GRID2: variants seen among roughly 807,000 people sequenced by gnomAD.
GRID2 encodes the protein glutamate receptor ionotropic, delta-2.
A neutral mutation model predicts 114.8 loss-of-function variants in GRID2; 33 were observed. The ratio of observed to expected loss-of-function variants is 0.29; its 90% CI spans 0.22 to 0.38. GRID2 has a LOEUF of 0.38. Among genes scored for constraint, GRID2 ranks in the 10% least tolerant of loss-of-function variants. The pLI is 1.00. For synonymous variants in GRID2, 505 were observed against 449.9 expected (o/e 1.12, Z -1.55); for missense variants, 1,184 against 1,257.7 (o/e 0.94, Z 0.89).
At chr4:93,437,118 A>C (rs2149387001) in intron 10 of GRID2, among the ~76,000 whole-genome samples, 1 of 152,310 alleles carries the variant, frequency 6.6e-6, no homozygotes, top group African/African-American at 2.4e-5. Flanking sequence ...TTAAAAGCAT[A>C]GCTTGAAACT....
chr4:93,607,369 G>T (rs1740360982), intron 13 of GRID2, among the ~76,000 whole-genome samples: 1 of 151,992 alleles, frequency 6.6e-6, no homozygotes, highest in South Asian at 2.1e-4. Flanking sequence ...TCCTTCCATA[G>T]CACCTTGTAT....
intron 8 of GRID2, among the ~76,000 whole-genome samples, chr4:93,307,919 A>G (rs905935107): frequency 3.3e-5 from 5 of 150,308 alleles, no homozygotes; most frequent in African/African-American, 1.0e-4. Flanking sequence ...ATACATACCT[A>G]TTGTATTAAT....
At chr4:93,062,762 G>A (rs1431466747) in intron 2 of GRID2, among the ~76,000 whole-genome samples, 1 of 151,954 alleles carries the variant, frequency 6.6e-6, no homozygotes, top group Non-Finnish European at 1.5e-5. Context: ...AGGGAACGAA[G>A]TTGACCTTGA....
At chr4:93,475,078 T>G (rs1436311367) in intron 11 of GRID2, among the ~76,000 whole-genome samples, 1 of 152,142 alleles carries the variant, frequency 6.6e-6, no homozygotes, top group African/African-American at 2.4e-5. Flanking sequence ...TTTGATTTAC[T>G]GCTTCAGCCC....
intron 14 of GRID2, among the ~76,000 whole-genome samples, chr4:93,701,765 A>T (rs934894133): frequency 6.6e-6 from 1 of 152,016 alleles, no homozygotes; most frequent in East Asian, 1.9e-4. Context: ...GAGGTGGGAG[A>T]ATTCCTTGAG....
intron 2 of GRID2, among the ~76,000 whole-genome samples, chr4:92,922,508 A>C (rs1256961631): frequency 6.6e-6 from 1 of 152,056 alleles, no homozygotes; most frequent in Non-Finnish European, 1.5e-5. Context: ...ACTGACACTT[A>C]ACTTTTAGGC....
intron 12 of GRID2, among the ~76,000 whole-genome samples, chr4:93,502,909 A>G (rs929544669): frequency 3.3e-5 from 5 of 151,954 alleles, no homozygotes. Context: ...GACGATTGTC[A>G]TTTTCTGAGA....
At chr4:92,473,329 T>C (rs1722133982) in intron 1 of GRID2, among the ~76,000 whole-genome samples, 1 of 152,098 alleles carries the variant, frequency 6.6e-6, no homozygotes, top group Non-Finnish European at 1.5e-5. Context: ...TTTTTGTAGC[T>C]TCTGTTGGAT....
chr4:92,721,988 A>G (rs1735829818), intron 2 of GRID2, among the ~76,000 whole-genome samples: 1 of 152,194 alleles, frequency 6.6e-6, no homozygotes. Flanking sequence ...CCTGCAGGTC[A>G]GAACCTAAGA....
intron 2 of GRID2, among the ~76,000 whole-genome samples, chr4:92,952,216 A>G (rs1660002862): frequency 6.6e-6 from 1 of 152,202 alleles, no homozygotes; most frequent in Non-Finnish European, 1.5e-5. Flanking sequence ...ACAAATTTGT[A>G]AATCTTTATT....
chr4:92,413,091 T>C (rs1731419322), intron 1 of GRID2, among the ~76,000 whole-genome samples: 2 of 152,220 alleles, frequency 1.3e-5, no homozygotes, highest in Admixed American at 1.3e-4. Context: ...TGCAGTTTTA[T>C]TACATGGATA....
chr4:92,948,164 T>C (rs1028300683), intron 2 of GRID2, among the ~76,000 whole-genome samples: 2 of 151,954 alleles, frequency 1.3e-5, no homozygotes, highest in African/African-American at 4.8e-5. Flanking sequence ...AAAGTATGCT[T>C]GTTACATAAA....
chr4:92,798,866 C>T (rs189010613), intron 2 of GRID2, among the ~76,000 whole-genome samples: 3 of 151,996 alleles, frequency 2.0e-5, no homozygotes, highest in Non-Finnish European at 2.9e-5. Flanking sequence ...TGCATGGCTA[C>T]GAATTAACTG....
At chr4:92,985,537 G>A (rs954787829) in intron 2 of GRID2, among the ~76,000 whole-genome samples, 1 of 151,866 alleles carries the variant, frequency 6.6e-6, no homozygotes, top group Non-Finnish European at 1.5e-5. Context: ...GCGTCCGGCC[G>A]GTAAAAATAT....
intron 8 of GRID2, among the ~76,000 whole-genome samples, chr4:93,358,217 A>C: frequency 6.6e-6 from 1 of 151,982 alleles, no homozygotes; most frequent in Non-Finnish European, 1.5e-5. Context: ...TTTAGTTCCT[A>C]TATTAAATGT....
intron 2 of GRID2, among the ~76,000 whole-genome samples, chr4:92,791,677 T>C (rs1047523296): frequency 6.6e-6 from 1 of 151,890 alleles, no homozygotes; most frequent in Non-Finnish European, 1.5e-5. Context: ...TGTTGTTTCA[T>C]GATTATAATG....
chr4:92,525,183 A>G (rs1258278439), intron 1 of GRID2, among the ~76,000 whole-genome samples: 2 of 152,062 alleles, frequency 1.3e-5, no homozygotes, highest in African/African-American at 4.8e-5. Flanking sequence ...TAGCTACTAT[A>G]TATTTAAGAA....
intron 2 of GRID2, among the ~76,000 whole-genome samples, chr4:92,950,294 C>T (rs1302584546): frequency 6.6e-6 from 1 of 152,108 alleles, no homozygotes; most frequent in African/African-American, 2.4e-5. Flanking sequence ...CTGAATCGAT[C>T]CTCTAACTGA....
At chr4:92,808,220 T>C (rs1430416012) in intron 2 of GRID2, among the ~76,000 whole-genome samples, 1 of 151,920 alleles carries the variant, frequency 6.6e-6, no homozygotes, top group Non-Finnish European at 1.5e-5. Context: ...CACAGCAGAG[T>C]TGAAACATTT....
Sources: gnomAD v4.1 joint callset for allele counts (sites outside exome capture counted in the v4.1 genomes callset) on GRCh38, gnomAD v4.1.1 for gene constraint, MANE v1.5 for transcripts, NCBI Gene and HGNC (gene_info 2026-07-23, HGNC 2026-07-21) for gene names.